EFCAB7: variants seen among roughly 807,000 people sequenced by gnomAD.
EFCAB7 encodes EF-hand calcium-binding domain-containing protein 7.
A neutral mutation model predicts 77.1 loss-of-function variants in EFCAB7; 66 were observed. The observed-to-expected ratio is 0.86, with a 90% CI of 0.70 to 1.05. The LOEUF (loss-of-function observed/expected upper bound fraction) is 1.05, where lower values mean the gene tolerates loss of function less well. Ranked by LOEUF, EFCAB7 falls within the 50% of genes least tolerant of loss-of-function variation. The probability of loss-of-function intolerance (pLI) is 0.00; values close to 1 mark genes in which losing one functional copy is unlikely to be tolerated. For missense variants in EFCAB7, 638 were observed against 730.5 expected (o/e 0.87, Z 1.46); for synonymous variants, 225 against 243.3 (o/e 0.92, Z 0.70).
chr1:63,583,400 T>C, the EFCAB7 span, among the ~76,000 whole-genome samples: 1 of 152,154 alleles, frequency 6.6e-6, no homozygotes, highest in Non-Finnish European at 1.5e-5. Flanking sequence ...TCTAGATTGG[T>C]TCCATCAATG....
chr1:63,549,269 C>T (rs1404203560), intron 7 of EFCAB7: 3 of 459,268 alleles, frequency 6.5e-6, no homozygotes, highest in Non-Finnish European at 1.3e-5. Flanking sequence ...AAAGAGACCT[C>T]TACTTACCTC....
the EFCAB7 span, among the ~76,000 whole-genome samples, chr1:63,579,280 G>A: frequency 6.6e-6 from 1 of 152,138 alleles, no homozygotes; most frequent in Non-Finnish European, 1.5e-5. Flanking sequence ...CATCACTATA[G>A]TTTTGTTTTT....
At chr1:63,579,744 T>C in the EFCAB7 span, among the ~76,000 whole-genome samples, 4 of 152,208 alleles carry the variant, frequency 2.6e-5, no homozygotes, top group Admixed American at 2.6e-4. Flanking sequence ...GCCATTATAA[T>C]AGATGTGCAG....
At chr1:63,534,551 A>G (rs2100876674) in intron 6 of EFCAB7, among the ~76,000 whole-genome samples, 1 of 152,244 alleles carries the variant, frequency 6.6e-6, no homozygotes, top group East Asian at 1.9e-4. Context: ...TTCAATTTCA[A>G]TTCCTGTGAG....
chr1:63,533,748 T>C, intron 5 of EFCAB7, 99 bp downstream of exon 5: 2 of 911,370 alleles, frequency 2.2e-6, no homozygotes, highest in Non-Finnish European at 3.2e-6. Context: ...ATAAAACAAA[T>C]GAGAATCTAA....
In EFCAB7 at chr1:63,534,236, CA is replaced by C; in HGVS notation, c.804+21del. The C allele has an allele frequency of 6.2e-7, 1 of 1,601,738 alleles. No individual in the cohort carries two copies. Among genetic ancestry groups the C allele is most frequent in the Non-Finnish European group, 8.5e-7 (1 of 1,173,196 alleles). On this transcript the variant is annotated intron_variant, in intron 6 of 13. Coordinates refer to ENST00000371088, the MANE Select transcript of EFCAB7 (RefSeq NM_032437.4). The stretch of plus-strand genomic sequence containing the variant: ...ATAAAGGTATAGTATTTTAAGTTAA[CA>C]GATGACTTTTTCTGAAAAAAATTTG...
intron 6 of EFCAB7, among the ~76,000 whole-genome samples, chr1:63,537,819 A>G (rs1646780932): frequency 6.6e-6 from 1 of 152,196 alleles, no homozygotes; most frequent in Non-Finnish European, 1.5e-5. Flanking sequence ...AGTGATGATA[A>G]TGATAGTGAT....
chr1:63,578,284 T>C, the EFCAB7 span, among the ~76,000 whole-genome samples: 3 of 152,220 alleles, frequency 2.0e-5, no homozygotes, highest in Non-Finnish European at 2.9e-5. Context: ...AAGCAATAGA[T>C]CAATCATATA....
At chr1:63,585,007 CAG>C in the EFCAB7 span, among the ~76,000 whole-genome samples, 4 of 152,206 alleles carry the variant, frequency 2.6e-5, no homozygotes, top group African/African-American at 9.6e-5. Context: ...GTTTGGGTAT[CAG>C]AGTAATTCTG....
intron 11 of EFCAB7, among the ~76,000 whole-genome samples, chr1:63,567,789 G>A (rs1337367436): frequency 6.6e-6 from 1 of 152,168 alleles, no homozygotes; most frequent in African/African-American, 2.4e-5. Context: ...ATTGTAGGCT[G>A]TGGTAAAAAG....
chr1:63,578,249 T>C, the EFCAB7 span, among the ~76,000 whole-genome samples: 1 of 152,224 alleles, frequency 6.6e-6, no homozygotes, highest in East Asian at 1.9e-4. Flanking sequence ...TAGAATGTTA[T>C]TGTATCTTTG....
chr1:63,526,080 G>C (rs761664214), intron 2 of EFCAB7, among the ~76,000 whole-genome samples: 1 of 152,138 alleles, frequency 6.6e-6, no homozygotes, highest in African/African-American at 2.4e-5. Flanking sequence ...GGCCTCTTAA[G>C]TCACTAGCCT....
chr1:63,534,478 G>A (rs1402948827), intron 6 of EFCAB7: 5 of 247,132 alleles, frequency 2.0e-5, no homozygotes, highest in Admixed American at 5.1e-5. Flanking sequence ...ACTTTGGGAA[G>A]CAAATTTTTT....
chr1:63,561,177 G>A (rs1647095521), intron 10 of EFCAB7, among the ~76,000 whole-genome samples: 3 of 152,160 alleles, frequency 2.0e-5, no homozygotes, highest in Admixed American at 1.3e-4. Flanking sequence ...CCCATTATCT[G>A]TCAGTCTTTC....
chr1:63,581,563 A>T, the EFCAB7 span, among the ~76,000 whole-genome samples: 1 of 152,080 alleles, frequency 6.6e-6, no homozygotes, highest in East Asian at 1.9e-4. Context: ...TTCTAGGATA[A>T]ATTCCACTTA....
intron 8 of EFCAB7, among the ~76,000 whole-genome samples, chr1:63,553,173 G>T (rs903355375): frequency 2.0e-5 from 3 of 152,034 alleles, no homozygotes; most frequent in African/African-American, 7.3e-5. Flanking sequence ...CTTTCCATTT[G>T]TCATCCACAG....
the EFCAB7 span, among the ~76,000 whole-genome samples, chr1:63,582,606 G>A: frequency 7.6e-4 from 115 of 152,266 alleles, no homozygotes; most frequent in African/African-American, 2.7e-3. Flanking sequence ...AAAGCAAAAG[G>A]AAGTTTTTTG....
At chr1:63,549,116 C>G (rs1213053741) in intron 7 of EFCAB7, 1 of 278,152 alleles carries the variant, frequency 3.6e-6, no homozygotes, top group African/African-American at 2.3e-5. Flanking sequence ...GGAGCTTCGC[C>G]AAGGCTGGCG....
Position 63,564,631 on chromosome 1 carries a change from C to T in EFCAB7, c.1497+2774C>T, listed in dbSNP as rs749503252. Among the ~76,000 whole-genome samples, 156 of 152,274 alleles carry T rather than the reference C, an allele frequency of 1.0e-3. 3 individuals are homozygous for T. The highest frequency in any genetic ancestry group is 9.7e-4 in the East Asian group (5 of 5,176). The stretch of plus-strand genomic sequence containing the variant: ...AATCAATATCGTTAAAATGGTCATA[C>T]TGCCCAAAGCAATTTATAGATTCAA... On this transcript the variant is annotated intron_variant, in intron 11 of 13. Coordinates refer to ENST00000371088, the MANE Select transcript of EFCAB7 (RefSeq NM_032437.4).
Sources: gnomAD v4.1 joint callset for allele counts (sites outside exome capture counted in the v4.1 genomes callset) on GRCh38, gnomAD v4.1.1 for gene constraint, MANE v1.5 for transcripts, NCBI Gene and HGNC (gene_info 2026-07-23, HGNC 2026-07-21) for gene names.